The following GRIP2 variants were observed in gnomAD, a reference collection of about 807,000 sequenced individuals.
GRIP2 encodes glutamate receptor interacting protein 2.
Under a neutral mutation model 108.3 loss-of-function variants are expected in GRIP2, and 58 were observed. The ratio of observed to expected loss-of-function variants is 0.54; its 90% confidence interval spans 0.43 to 0.67. The LOEUF (loss-of-function observed/expected upper bound fraction) is 0.67. Ranked by LOEUF, GRIP2 falls within the 30% of genes least tolerant of loss-of-function variation. The pLI is 0.00. For synonymous variants in GRIP2, 586 were observed against 598.2 expected (o/e 0.98, Z 0.30); for missense variants, 1,278 against 1,430.6 (o/e 0.89, Z 1.72).
At chr3:14,599,982 A>G in the GRIP2 span, among the ~76,000 whole-genome samples, 1 of 152,190 alleles carries the variant, frequency 6.6e-6, no homozygotes, top group Non-Finnish European at 1.5e-5. Flanking sequence ...ACTGCTGTTT[A>G]AGATTCTAAA....
chr3:14,584,697 A>G, the GRIP2 span, among the ~76,000 whole-genome samples: 1 of 152,154 alleles, frequency 6.6e-6, no homozygotes, highest in Non-Finnish European at 1.5e-5. Flanking sequence ...AGGCTCGCAC[A>G]GCAAATAGAG....
At chr3:14,568,290 C>T in the GRIP2 span, among the ~76,000 whole-genome samples, 1 of 152,172 alleles carries the variant, frequency 6.6e-6, no homozygotes, top group African/African-American at 2.4e-5. Context: ...CCACTGCAAC[C>T]ATGCAACTAA....
chr3:14,508,935 G>C (rs778305314), intron 17 of GRIP2, among the ~76,000 whole-genome samples: 19 of 152,214 alleles, frequency 1.2e-4, no homozygotes, highest in Non-Finnish European at 2.6e-4. Flanking sequence ...GCCCGGCGAA[G>C]GCAGGAGGGT....
the GRIP2 span, among the ~76,000 whole-genome samples, chr3:14,579,002 T>C: frequency 6.6e-6 from 1 of 152,190 alleles, no homozygotes; most frequent in Non-Finnish European, 1.5e-5. Context: ...CATATTCACA[T>C]GACACTTGCG....
At chr3:14,599,683 C>CTGTGTGTGTGTG in the GRIP2 span, among the ~76,000 whole-genome samples, 19 of 105,018 alleles carry the variant, frequency 1.8e-4, no homozygotes, top group African/African-American at 5.7e-4. Context: ...CTCTCTCTCT[C>CTGTGTGTGTGTG]TCTGTGTGTG....
upstream of GRIP2, among the ~76,000 whole-genome samples, chr3:14,545,395 T>C (rs940232734): frequency 1.3e-5 from 2 of 151,322 alleles, no homozygotes; most frequent in African/African-American, 4.9e-5. Context: ...ACCGAACCAC[T>C]CTCCACAGCC....
the GRIP2 span, chr3:14,574,321 G>T: frequency 9.9e-7 from 1 of 1,014,816 alleles, no homozygotes; most frequent in East Asian, 2.5e-5. Flanking sequence ...CGCTTCTCCC[G>T]GGCGAAGAGT....
At chr3:14,596,059 T>C in the GRIP2 span, among the ~76,000 whole-genome samples, 3 of 152,234 alleles carry the variant, frequency 2.0e-5, no homozygotes, top group Non-Finnish European at 4.4e-5. Flanking sequence ...AATTCTGTCA[T>C]GTTAGCAGGG....
chr3:14,537,233 C>T (rs1003208559), intron 1 of GRIP2, among the ~76,000 whole-genome samples: 3 of 152,188 alleles, frequency 2.0e-5, no homozygotes, highest in Non-Finnish European at 4.4e-5. Context: ...AAAACTCTTC[C>T]CCAGACATCA....
In GRIP2 at chr3:14,496,502, C is replaced by T. The variant is rs371134453; in HGVS notation, c.2738G>A (p.Arg913Gln). The stretch of plus-strand genomic sequence containing the variant: ...TACCTCCCGGCCCCTCTGCCAAGGC[C>T]GGTGGCCAGGCCTGCCCTCGAGGGC... ...RVALEGRPGHRPWQRGREVRA... is the reference protein window; with the variant it reads ...RVALEGRPGHQPWQRGREVRA... The change falls in exon 22 of 24, where the codon CGG becomes CAG. Residue 913 changes from arginine to glutamine, a missense_variant. By Grantham distance (43) the Arg-to-Gln change is conservative. Transcript: ENST00000621039. 45 of 1,612,432 alleles carry T rather than the reference C, an allele frequency of 2.8e-5. No homozygotes were observed. The highest frequency in any genetic ancestry group is 1.6e-4 in the Middle Eastern group (1 of 6,078).
chr3:14,495,267 C>T (rs1458533056), intron 22 of GRIP2, among the ~76,000 whole-genome samples: 1 of 152,198 alleles, frequency 6.6e-6, no homozygotes, highest in African/African-American at 2.4e-5. Flanking sequence ...CTGGCTCTAT[C>T]AGGGAGGAGG....
At chr3:14,502,313 T>C (rs1381186624) in intron 21 of GRIP2, among the ~76,000 whole-genome samples, 1 of 151,914 alleles carries the variant, frequency 6.6e-6, no homozygotes, top group East Asian at 1.9e-4. Context: ...GCCAACACAG[T>C]GAAAACCCAT....
At position 14,491,632 on chromosome 3, in the gene GRIP2, GTATT is replaced by G. The variant is rs1701338996; in HGVS notation, c.*2029_*2032del. 1 of 152,424 alleles carries G rather than the reference GTATT, an allele frequency of 6.6e-6. No homozygotes were observed. Among genetic ancestry groups the G allele is most frequent in the South Asian group, 2.1e-4 (1 of 4,838 alleles). The allele number at this position is 152,424 out of a possible 1,614,324, so 9.4% of individuals were successfully genotyped here. A position where few individuals can be genotyped will look rare whatever the true frequency, so the allele number is the denominator to read the frequency against. On this transcript the variant is annotated 3_prime_UTR_variant, in exon 24 of 24. Transcript: ENST00000621039. ...GGCCTCAGCCCGAGGAGGGAGGGGG[GTATT>G]AGTTAGAGTCGGGTGCATCTTCCCT...
At position 14,525,946 on chromosome 3, in the gene GRIP2, G is replaced by T; in HGVS notation, c.41-15C>A. On this transcript the variant is annotated splice_polypyrimidine_tract_variant and intron_variant, in intron 1 of 23. Transcript: ENST00000621039. Reference sequence around the variant, plus strand: ...GGGCCCATCGTCTGCAGGAGAGAAAGAGGGAAAGGCCGAGTTCCACTTTCG... The same window carrying T: ...GGGCCCATCGTCTGCAGGAGAGAAATAGGGAAAGGCCGAGTTCCACTTTCG... 1 of 1,552,262 alleles carries T rather than the reference G, an allele frequency of 6.4e-7. No homozygotes were observed. Among genetic ancestry groups the T allele is most frequent in the South Asian group, 1.2e-5 (1 of 84,120 alleles).
At chr3:14,497,452 A>T (rs1326685307) in intron 21 of GRIP2, among the ~76,000 whole-genome samples, 1 of 152,202 alleles carries the variant, frequency 6.6e-6, no homozygotes. Flanking sequence ...ACAAGGACGA[A>T]GAGGCCCAGG....
In GRIP2 at chr3:14,536,636, C is replaced by T. The variant is rs562371998; in HGVS notation, c.40+3633G>A. 2.7e-3 allele frequency among the ~76,000 whole-genome samples: 410 copies of T among 152,350 alleles called. 1 individual carries two copies. The highest frequency in any genetic ancestry group is 3.5e-3 in the Non-Finnish European group (237 of 68,034). The stretch of plus-strand genomic sequence containing the variant: ...TCCTGTCCAGCAGGCCTGAGCCACA[C>T]GCAGGCCAACATCCCACCATGGGAG... On this transcript the variant is annotated intron_variant, in intron 1 of 23. Coordinates refer to ENST00000621039, the MANE Select transcript of GRIP2 (RefSeq NM_001080423.4).
the GRIP2 span, among the ~76,000 whole-genome samples, chr3:14,586,937 G>A: frequency 2.0e-5 from 3 of 152,286 alleles, no homozygotes; most frequent in African/African-American, 7.2e-5. Flanking sequence ...AAAATAATGT[G>A]TGTGGTATGA....
chr3:14,538,174 T>C (rs1354608264), intron 1 of GRIP2, among the ~76,000 whole-genome samples: 1 of 152,196 alleles, frequency 6.6e-6, no homozygotes, highest in Non-Finnish European at 1.5e-5. Flanking sequence ...GGGCACTCAC[T>C]GACGCACACT....
intron 21 of GRIP2, among the ~76,000 whole-genome samples, chr3:14,498,505 G>T (rs2124841186): frequency 6.6e-6 from 1 of 152,264 alleles, no homozygotes; most frequent in Non-Finnish European, 1.5e-5. Flanking sequence ...TTGGGTTGGA[G>T]TGGGGGGGAA....
Sources: gnomAD v4.1 joint callset for allele counts (sites outside exome capture counted in the v4.1 genomes callset) on GRCh38, gnomAD v4.1.1 for gene constraint, MANE v1.5 for transcripts, NCBI Gene and HGNC (gene_info 2026-07-23, HGNC 2026-07-21) for gene names.